Variants in MYOM2 observed in about 807,000 individuals in gnomAD.
MYOM2 encodes myomesin 2.
Under a neutral mutation model 187.6 loss-of-function variants are expected in MYOM2, and 254 were observed. The ratio of observed to expected loss-of-function variants is 1.35; its 90% CI spans 1.22 to 1.50. The LOEUF (loss-of-function observed/expected upper bound fraction) is 1.50, where lower values mean the gene tolerates loss of function less well. Among genes scored for constraint, MYOM2 ranks in the 40% most tolerant of loss-of-function variants. The pLI is 0.00. For synonymous variants in MYOM2, 981 were observed against 753.8 expected, an observed-to-expected ratio of 1.30 and a Z score of -4.94; for missense variants, 2,796 against 1,924.0, an observed-to-expected ratio of 1.45 and a Z score of -8.48.
intron 18 of MYOM2, among the ~76,000 whole-genome samples, chr8:2,098,509 C>T (rs73543089): frequency 0.038 from 5,753 of 152,260 alleles, 373 homozygotes; most frequent in African/African-American, 0.13. Flanking sequence ...TCCTCGAAGC[C>T]TCCGCCCTTG....
chr8:2,129,272 G>A (rs752500037), intron 32 of MYOM2, 40 bp downstream of exon 32: 1 of 1,441,098 alleles, frequency 6.9e-7, no homozygotes, highest in African/African-American at 1.4e-5. Flanking sequence ...TGCCATAGAT[G>A]GGGCTGTCCA....
chr8:2,130,312 C>T (rs1002440987), intron 32 of MYOM2, among the ~76,000 whole-genome samples: 13 of 145,678 alleles, frequency 8.9e-5, no homozygotes, highest in Non-Finnish European at 1.8e-4. Context: ...CTTTAGTTAA[C>T]GCCCCTCACT....
At chr8:2,109,360 G>C (rs1796992418) in intron 24 of MYOM2, 35 bp from the exon 25 acceptor site, 5 of 1,569,514 alleles carry the variant, frequency 3.2e-6, no homozygotes, top group Non-Finnish European at 2.6e-6. Flanking sequence ...AAGGATTCAT[G>C]CATTATTGAC....
intron 36 of MYOM2, 45 bp downstream of exon 36, chr8:2,143,501 C>A: frequency 6.2e-7 from 1 of 1,607,778 alleles, no homozygotes; most frequent in Non-Finnish European, 8.5e-7. Flanking sequence ...CAGCACGGTG[C>A]GATGGACGCA....
At chr8:2,089,930 A>G in intron 14 of MYOM2, 78 bp from the exon 15 acceptor site, 1 of 1,410,442 alleles carries the variant, frequency 7.1e-7, no homozygotes, top group Non-Finnish European at 9.8e-7. Flanking sequence ...GCGAGAACAG[A>G]GCATTTCTTC....
intron 13 of MYOM2, among the ~76,000 whole-genome samples, chr8:2,084,346 G>T (rs1819734970): frequency 6.6e-6 from 1 of 152,220 alleles, no homozygotes; most frequent in Admixed American, 6.5e-5. Flanking sequence ...ACGAAACCCA[G>T]TCTTGCTTTG....
chr8:2,096,146 A>G, intron 17 of MYOM2, 101 bp from the exon 18 acceptor site: 1 of 1,134,764 alleles, frequency 8.8e-7, no homozygotes, highest in African/African-American at 1.5e-5. Flanking sequence ...GCCCGTCTCC[A>G]CGTTGCTTCC....
chr8:2,087,836 G>T (rs1317938028), intron 14 of MYOM2, among the ~76,000 whole-genome samples: 3 of 152,016 alleles, frequency 2.0e-5, no homozygotes, highest in Admixed American at 6.6e-5. Context: ...GCCCAGGCTG[G>T]TCTCAAATTC....
chr8:2,076,935 T>C (rs955412225), intron 11 of MYOM2, among the ~76,000 whole-genome samples: 2 of 152,206 alleles, frequency 1.3e-5, no homozygotes, highest in Non-Finnish European at 2.9e-5. Context: ...GGATATGTAA[T>C]TTATGCCCTA....
intron 11 of MYOM2, among the ~76,000 whole-genome samples, chr8:2,076,907 A>G (rs904106744): frequency 1.3e-5 from 2 of 152,250 alleles, no homozygotes; most frequent in African/African-American, 4.8e-5. Context: ...TGTACTGCAC[A>G]GAGCCAGTGG....
At chr8:2,075,250 TC>T (rs1563433700) in intron 10 of MYOM2, among the ~76,000 whole-genome samples, 1 of 152,078 alleles carries the variant, frequency 6.6e-6, no homozygotes, top group Non-Finnish European at 1.5e-5. Flanking sequence ...GCGTTAAATG[TC>T]CCTTCCGTCT....
intron 2 of MYOM2, among the ~76,000 whole-genome samples, chr8:2,051,846 T>C (rs1310079725): frequency 6.6e-6 from 1 of 152,068 alleles, no homozygotes; most frequent in East Asian, 1.9e-4. Context: ...TTGTGTAGGT[T>C]TGTTTATGTG....
At position 2,123,169 on chromosome 8, in the gene MYOM2, T is replaced by C; in HGVS notation, c.3454-83T>C. ...CTAAGGTTTTTTGAGGGGGGGGCTCTGTGATTTAAGATTCTAATAGACTTT... is the reference window on the plus strand; with the variant it reads ...CTAAGGTTTTTTGAGGGGGGGGCTCCGTGATTTAAGATTCTAATAGACTTT... On this transcript the variant is annotated intron_variant, in intron 28 of 36. Transcript: ENST00000262113. 3.3e-6 allele frequency: 3 copies of C among 903,090 alleles called. No homozygotes were observed. In the South Asian group the frequency reaches 5.5e-5, roughly 16 times the overall value. 55.9% of individuals were successfully genotyped at this position (903,090 alleles called of 1,614,324 possible).
intron 6 of MYOM2, among the ~76,000 whole-genome samples, chr8:2,065,050 T>G (rs1274112619): frequency 6.6e-6 from 1 of 152,254 alleles, no homozygotes; most frequent in Non-Finnish European, 1.5e-5. Context: ...TACTAATATA[T>G]AAGATTAACA....
Position 2,116,200 on chromosome 8 carries a change from T to A in MYOM2, c.3326-16T>A, listed in dbSNP as rs749631135. On this transcript the variant is annotated splice_polypyrimidine_tract_variant and intron_variant, in intron 26 of 36. Transcript: ENST00000262113. ...CAAACATGTTTCATATATATTTTTT[T>A]AAATATTGAATTTAGCATTCAAGAC... 4 of 1,596,206 alleles carry A rather than the reference T, an allele frequency of 2.5e-6. No homozygotes were observed. The highest frequency in any genetic ancestry group is 2.3e-5 in the South Asian group (2 of 86,802).
chr8:2,085,454 C>T lies in MYOM2; in HGVS notation c.1644+64C>T, dbSNP rs1336216055. 1.7e-5 allele frequency: 27 copies of T among 1,571,796 alleles called. 2 individuals carry two copies. The African/African-American group carries it at 2.4e-4, about 14-fold the overall frequency. Reference sequence around the variant, plus strand: ...GCATGGCCCCCCACTGTCATGATCTCTGCGTGGCCCACCGCTGTCGTGATC... The same window carrying T: ...GCATGGCCCCCCACTGTCATGATCTTTGCGTGGCCCACCGCTGTCGTGATC... On this transcript the variant is annotated intron_variant, in intron 14 of 36. Coordinates refer to ENST00000262113, the MANE Select transcript of MYOM2 (RefSeq NM_003970.4).
intron 15 of MYOM2, among the ~76,000 whole-genome samples, chr8:2,090,601 G>C (rs1796265890): frequency 6.6e-6 from 1 of 152,108 alleles, no homozygotes; most frequent in African/African-American, 2.4e-5. Context: ...TAGTGACTTT[G>C]CCTGCTCCTC....
chr8:2,111,817 T>C (rs892807976), intron 25 of MYOM2, among the ~76,000 whole-genome samples: 2 of 152,244 alleles, frequency 1.3e-5, no homozygotes, highest in African/African-American at 4.8e-5. Flanking sequence ...TGTCACTTTC[T>C]ATCATTGTAG....
intron 14 of MYOM2, among the ~76,000 whole-genome samples, chr8:2,088,261 C>T (rs1468975657): frequency 6.6e-6 from 1 of 152,156 alleles, no homozygotes; most frequent in East Asian, 1.9e-4. Context: ...GCCTTTGCAG[C>T]AAACACACAT....
Sources: allele counts gnomAD v4.1 joint callset (sites outside exome capture counted in the v4.1 genomes callset), GRCh38; gene constraint gnomAD v4.1.1; transcripts MANE v1.5; gene names NCBI Gene and HGNC (gene_info 2026-07-23, HGNC 2026-07-21).